SRBD1: variants seen among roughly 807,000 people sequenced by gnomAD.
SRBD1 encodes the protein S1 RNA-binding domain-containing protein 1.
In SRBD1, 88 loss-of-function variants were observed where a neutral mutation model predicts 115.3. The ratio of observed to expected loss-of-function variants is 0.76; its 90% confidence interval spans 0.64 to 0.91. The LOEUF (loss-of-function observed/expected upper bound fraction) is 0.91. Ranked by LOEUF, SRBD1 falls within the 40% of genes least tolerant of loss-of-function variation. The pLI is 0.00. For synonymous variants in SRBD1, 509 were observed against 407.7 expected (o/e 1.25, Z -2.99); for missense variants, 1,385 against 1,177.4 (o/e 1.18, Z -2.58).
At chr2:45,562,821 T>A in intron 9 of SRBD1, 65 bp from the exon 10 acceptor site, 1 of 977,054 alleles carries the variant, frequency 1.0e-6, no homozygotes, top group Non-Finnish European at 1.5e-6. Flanking sequence ...CAGGCGACTA[T>A]GTAGCTGACA....
chr2:45,419,994 A>G (rs1667949984), intron 16 of SRBD1, 100 bp from the exon 17 acceptor site: 2 of 1,059,756 alleles, frequency 1.9e-6, no homozygotes, highest in Non-Finnish European at 1.4e-6. Context: ...AACACACACC[A>G]TGGTAAATTT....
intron 19 of SRBD1, among the ~76,000 whole-genome samples, chr2:45,399,400 A>G (rs1667233799): frequency 6.6e-6 from 1 of 152,126 alleles, no homozygotes; most frequent in Non-Finnish European, 1.5e-5. Flanking sequence ...GCTCTTTTAG[A>G]GGCAGGACTT....
intron 4 of SRBD1, among the ~76,000 whole-genome samples, chr2:45,592,810 T>C (rs1558500652): frequency 6.6e-6 from 1 of 152,206 alleles, no homozygotes; most frequent in Non-Finnish European, 1.5e-5. Context: ...ACCAGCAGCA[T>C]AAGCATCATC....
chr2:45,495,839 C>T (rs1670442081), intron 14 of SRBD1, among the ~76,000 whole-genome samples: 1 of 152,188 alleles, frequency 6.6e-6, no homozygotes, highest in African/African-American at 2.4e-5. Flanking sequence ...GGAATAAACA[C>T]TATTCTAATT....
chr2:45,418,259 A>T, intron 18 of SRBD1, 106 bp downstream of exon 18: 1 of 1,326,508 alleles, frequency 7.5e-7, no homozygotes, highest in Non-Finnish European at 1.0e-6. Context: ...GAATGAAGGC[A>T]TGAACAATGG....
intron 10 of SRBD1, among the ~76,000 whole-genome samples, chr2:45,562,201 C>T (rs1017959667): frequency 6.6e-6 from 1 of 151,884 alleles, no homozygotes; most frequent in African/African-American, 2.4e-5. Flanking sequence ...CACTACATAC[C>T]TTGTCTGTTA....
At chr2:45,588,819 A>G (rs772991371) in intron 4 of SRBD1, among the ~76,000 whole-genome samples, 1 of 152,194 alleles carries the variant, frequency 6.6e-6, no homozygotes, top group Non-Finnish European at 1.5e-5. Context: ...TGGTGGTGCT[A>G]AGAGAATAGT....
intron 14 of SRBD1, among the ~76,000 whole-genome samples, chr2:45,517,952 A>C (rs1671171106): frequency 6.6e-6 from 1 of 152,126 alleles, no homozygotes; most frequent in East Asian, 1.9e-4. Context: ...AATGAGCCAC[A>C]ACTGCACCAC....
chr2:45,483,356 G>A (rs1670022513), intron 15 of SRBD1, among the ~76,000 whole-genome samples: 1 of 152,088 alleles, frequency 6.6e-6, no homozygotes, highest in Non-Finnish European at 1.5e-5. Context: ...AGGGATCCCA[G>A]ACTGAGTAAA....
intron 14 of SRBD1, among the ~76,000 whole-genome samples, chr2:45,514,169 A>G (rs971866956): frequency 3.3e-5 from 5 of 152,232 alleles, no homozygotes; most frequent in African/African-American, 1.2e-4. Context: ...TAAAGAATTT[A>G]CTAAAATCTA....
At chr2:45,452,930 C>T (rs1669038984) in intron 16 of SRBD1, among the ~76,000 whole-genome samples, 1 of 152,108 alleles carries the variant, frequency 6.6e-6, no homozygotes, top group Middle Eastern at 3.4e-3. Context: ...TCACACAAGG[C>T]ATTCATCTGC....
intron 14 of SRBD1, among the ~76,000 whole-genome samples, chr2:45,528,341 C>G (rs1312768367): frequency 6.6e-6 from 1 of 151,636 alleles, no homozygotes; most frequent in East Asian, 1.9e-4. Flanking sequence ...ACAAGAAGAA[C>G]TGGAAGGAAG....
intron 16 of SRBD1, among the ~76,000 whole-genome samples, chr2:45,424,207 C>T (rs547615811): frequency 6.6e-6 from 1 of 152,124 alleles, no homozygotes; most frequent in Non-Finnish European, 1.5e-5. Flanking sequence ...GGATGACATA[C>T]TGCATTTAGT....
Position 45,425,491 on chromosome 2 carries a change from T to C in SRBD1, c.2050-5597A>G, listed in dbSNP as rs900799750. 3.5e-4 allele frequency among the ~76,000 whole-genome samples: 53 copies of C among 152,246 alleles called. 1 individual carries two copies. Among genetic ancestry groups the C allele is most frequent in the Admixed American group, 2.2e-3 (33 of 15,290 alleles). On this transcript the variant is annotated intron_variant, in intron 16 of 20. Transcript: ENST00000263736. ...ACAGCCCTACAATGAACTATTCTGA[T>C]GCCATTAAAAATCACACAGTAGGGG...
At chr2:45,512,215 A>G (rs551670896) in intron 14 of SRBD1, among the ~76,000 whole-genome samples, 2 of 152,302 alleles carry the variant, frequency 1.3e-5, no homozygotes, top group East Asian at 3.9e-4. Context: ...CTGCTTAAAG[A>G]AAAGGAAAGA....
Position 45,531,544 on chromosome 2 carries a change from T to G in SRBD1, c.1874+15188A>C, listed in dbSNP as rs189443498. Among the ~76,000 whole-genome samples the G allele has an allele frequency of 1.2e-3, 188 of 151,744 alleles. 2 individuals carry two copies. Among genetic ancestry groups the G allele is most frequent in the Non-Finnish European group, 2.1e-3 (142 of 67,814 alleles). The stretch of plus-strand genomic sequence containing the variant: ...TATTCAGATTAAGAAAGTTCTACAG[T>G]AAAGACGATAGGAATAGATCCAAAG... On this transcript the variant is annotated intron_variant, in intron 14 of 20. Coordinates refer to ENST00000263736, the MANE Select transcript of SRBD1 (RefSeq NM_018079.5).
At chr2:45,558,635 T>C (rs1558477615) in intron 10 of SRBD1, among the ~76,000 whole-genome samples, 1 of 151,932 alleles carries the variant, frequency 6.6e-6, no homozygotes, top group Non-Finnish European at 1.5e-5. Context: ...AATATATTTA[T>C]AGTGTGATAG....
At chr2:45,406,279 G>C (rs1667434673) in intron 19 of SRBD1, among the ~76,000 whole-genome samples, 1 of 152,022 alleles carries the variant, frequency 6.6e-6, no homozygotes, top group African/African-American at 2.4e-5. Context: ...AAAATACAGA[G>C]ACAATCTGAA....
Position 45,439,911 on chromosome 2 carries a change from T to C in SRBD1, c.2050-20017A>G, listed in dbSNP as rs145421788. On this transcript the variant is annotated intron_variant, in intron 16 of 20. Coordinates refer to ENST00000263736, the MANE Select transcript of SRBD1 (RefSeq NM_018079.5). ...ACATCTGTCTCTCGGGTTTCATAGCTAGTGGCCGGGGTGCAAAATATAGAA... is the reference window on the plus strand; with the variant it reads ...ACATCTGTCTCTCGGGTTTCATAGCCAGTGGCCGGGGTGCAAAATATAGAA... Among the ~76,000 whole-genome samples, 129 of 152,278 alleles carry C rather than the reference T, an allele frequency of 8.5e-4. No homozygotes were observed. In the East Asian group the frequency reaches 0.02, roughly 24 times the overall value.
Sources: allele counts gnomAD v4.1 joint callset (sites outside exome capture counted in the v4.1 genomes callset), GRCh38; gene constraint gnomAD v4.1.1; transcripts MANE v1.5; gene names NCBI Gene and HGNC (gene_info 2026-07-23, HGNC 2026-07-21).